Variants in AP4E1 observed in about 807,000 individuals in gnomAD.
AP4E1 encodes adaptor related protein complex 4 subunit epsilon 1.
Under a neutral mutation model 128.2 loss-of-function variants are expected in AP4E1, and 56 were observed. The ratio of observed to expected loss-of-function variants is 0.44; its 90% CI spans 0.35 to 0.55. AP4E1 has a LOEUF of 0.55. Ranked by LOEUF, AP4E1 falls within the 20% of genes least tolerant of loss-of-function variation. The pLI is 0.00. For synonymous variants in AP4E1, 484 were observed against 473.1 expected (o/e 1.02, Z -0.30); for missense variants, 1,324 against 1,307.7 (o/e 1.01, Z -0.19).
chr15:50,940,306 G>C (rs983079290), intron 8 of AP4E1, among the ~76,000 whole-genome samples: 2 of 151,896 alleles, frequency 1.3e-5, no homozygotes, highest in African/African-American at 4.8e-5. Context: ...TAATATATCT[G>C]ATTTTTTTTC....
At chr15:50,978,203 A>T (rs1385533794) in intron 15 of AP4E1, among the ~76,000 whole-genome samples, 1 of 152,196 alleles carries the variant, frequency 6.6e-6, no homozygotes, top group Admixed American at 6.5e-5. Flanking sequence ...GTTCCCATCA[A>T]AAAAAGCATT....
chr15:50,990,390 A>G (rs2140924520), intron 16 of AP4E1, among the ~76,000 whole-genome samples: 1 of 120,038 alleles, frequency 8.3e-6, no homozygotes, highest in South Asian at 2.4e-4. Flanking sequence ...GACAAGTCTC[A>G]TTCTGTCACC....
intron 16 of AP4E1, 59 bp downstream of exon 16, chr15:50,984,204 TC>T (rs2064684533): frequency 1.3e-6 from 2 of 1,595,620 alleles, no homozygotes; most frequent in East Asian, 2.2e-5. Flanking sequence ...CTTTTAGCGT[TC>T]CATTTGCCTT....
chr15:50,952,509 C>CAAA (rs1359239142), intron 13 of AP4E1, among the ~76,000 whole-genome samples: 1 of 79,472 alleles, frequency 1.3e-5, no homozygotes, highest in Non-Finnish European at 2.6e-5. Context: ...GACTCCATCT[C>CAAA]AAAAAAAAAA....
At chr15:50,952,098 A>G (rs79921673) in intron 13 of AP4E1, among the ~76,000 whole-genome samples, 6,973 of 152,232 alleles carry the variant, frequency 0.046, 524 homozygotes, top group African/African-American at 0.16. Flanking sequence ...CTACCTATAT[A>G]CAGTTTGTTT....
Position 50,958,496 on chromosome 15 carries a change from T to C in AP4E1, c.1553T>C (p.Leu518Ser). 6.2e-7 allele frequency: 1 copy of C among 1,609,766 alleles called. No homozygotes were observed. Among genetic ancestry groups the C allele is most frequent in the Non-Finnish European group, 8.5e-7 (1 of 1,177,134 alleles). ...QRFLQVMSWV[L>S]GEYSYLLDKE... Reference sequence around the variant, plus strand: ...ATCTCTTTGTTTTATTTACAGGTATTAGGGGAATATTCCTACCTCTTAGAT... The same window carrying C: ...ATCTCTTTGTTTTATTTACAGGTATCAGGGGAATATTCCTACCTCTTAGAT... Residue 518 changes from leucine to serine, a missense_variant, in exon 14 of 21, where the codon TTA becomes TCA. Leu to Ser is a moderately radical substitution (Grantham distance 145). Transcript: ENST00000261842.
chr15:50,972,046 T>C (rs2064485901), intron 15 of AP4E1, among the ~76,000 whole-genome samples: 1 of 152,190 alleles, frequency 6.6e-6, no homozygotes, highest in Admixed American at 6.5e-5. Context: ...CTATGTTGAT[T>C]TGTATGAATC....
intron 14 of AP4E1, among the ~76,000 whole-genome samples, chr15:50,959,043 C>G (rs1369381940): frequency 6.6e-6 from 1 of 152,054 alleles, no homozygotes; most frequent in Non-Finnish European, 1.5e-5. Context: ...GAAACCCCAT[C>G]TCTACTAAAA....
At chr15:50,958,352 C>T (rs780159077) in intron 13 of AP4E1, 140 bp from the exon 14 acceptor site, 5 of 699,710 alleles carry the variant, frequency 7.1e-6, no homozygotes, top group African/African-American at 5.4e-5. Context: ...ACAGTTGTAT[C>T]TTTAATAATT....
At chr15:50,960,296 T>C (rs1430244447) in intron 14 of AP4E1, among the ~76,000 whole-genome samples, 2 of 152,122 alleles carry the variant, frequency 1.3e-5, no homozygotes, top group Non-Finnish European at 2.9e-5. Flanking sequence ...TTACAGAACA[T>C]TTTATTCAAC....
chr15:50,936,813 A>T (rs1388809498), intron 8 of AP4E1, among the ~76,000 whole-genome samples: 1 of 152,038 alleles, frequency 6.6e-6, no homozygotes, highest in Non-Finnish European at 1.5e-5. Context: ...GTGTTCCTGT[A>T]ATCCCAGCTA....
chr15:50,921,825 A>G (rs1381165468), intron 3 of AP4E1, among the ~76,000 whole-genome samples: 1 of 152,120 alleles, frequency 6.6e-6, no homozygotes, highest in Non-Finnish European at 1.5e-5. Flanking sequence ...GAAAATTTTT[A>G]CATTTTTTGA....
At chr15:50,987,882 A>G (rs573326603) in intron 16 of AP4E1, among the ~76,000 whole-genome samples, 1 of 152,266 alleles carries the variant, frequency 6.6e-6, no homozygotes, top group Admixed American at 6.5e-5. Flanking sequence ...TATGTTCTTT[A>G]AGAGCTTATC....
At chr15:50,948,993 C>T (rs2064107591) in intron 11 of AP4E1, among the ~76,000 whole-genome samples, 2 of 150,524 alleles carry the variant, frequency 1.3e-5, no homozygotes. Context: ...AAAAAAGTTA[C>T]TGTTTAATTA....
At chr15:50,965,095 G>C (rs2064372072) in intron 14 of AP4E1, among the ~76,000 whole-genome samples, 1 of 152,078 alleles carries the variant, frequency 6.6e-6, no homozygotes, top group Admixed American at 6.5e-5. Flanking sequence ...GAGCTGAACA[G>C]ATGCCGGTAT....
intron 11 of AP4E1, among the ~76,000 whole-genome samples, chr15:50,948,623 T>G (rs939868303): frequency 6.6e-6 from 1 of 152,174 alleles, no homozygotes; most frequent in East Asian, 1.9e-4. Flanking sequence ...TCATGTTTGT[T>G]TCTTAAAAGT....
intron 16 of AP4E1, among the ~76,000 whole-genome samples, chr15:50,991,156 C>T (rs2064801473): frequency 6.6e-6 from 1 of 152,168 alleles, no homozygotes; most frequent in Non-Finnish European, 1.5e-5. Flanking sequence ...TAGCCCTCTG[C>T]AGCTCAGGCA....
At chr15:50,938,617 A>G (rs2063941087) in intron 8 of AP4E1, among the ~76,000 whole-genome samples, 1 of 152,036 alleles carries the variant, frequency 6.6e-6, no homozygotes, top group African/African-American at 2.4e-5. Flanking sequence ...TAAAGAGGTA[A>G]TTTTCCCCTC....
intron 14 of AP4E1, among the ~76,000 whole-genome samples, chr15:50,962,889 CAAAA>C (rs71127168): frequency 0.019 from 730 of 38,640 alleles, 10 homozygotes; most frequent in African/African-American, 0.071. Context: ...AATTCAACAG[CAAAA>C]AAAAAAAAAA....
Sources: gnomAD v4.1 joint callset for allele counts (sites outside exome capture counted in the v4.1 genomes callset) on GRCh38, gnomAD v4.1.1 for gene constraint, MANE v1.5 for transcripts, NCBI Gene and HGNC (gene_info 2026-07-23, HGNC 2026-07-21) for gene names.